PLCG2: variants seen among roughly 807,000 people sequenced by gnomAD.
The protein encoded by PLCG2 is phospholipase C gamma 2, also known as 1-phosphatidylinositol 4,5-bisphosphate phosphodiesterase gamma-2.
Under a neutral mutation model 175.6 loss-of-function variants are expected in PLCG2, and 69 were observed. The observed-to-expected ratio is 0.39, with a 90% CI of 0.32 to 0.48. PLCG2 has a LOEUF of 0.48. Among genes scored for constraint, PLCG2 ranks in the 20% least tolerant of loss-of-function variants. The pLI is 0.91. For missense variants in PLCG2, 1,798 were observed against 1,650.9 expected, an observed-to-expected ratio of 1.09 and a Z score of -1.54; for synonymous variants, 827 against 624.0, an observed-to-expected ratio of 1.33 and a Z score of -4.85.
At chr16:81,794,053 A>G (rs141495169) in intron 2 of PLCG2, among the ~76,000 whole-genome samples, 1 of 152,324 alleles carries the variant, frequency 6.6e-6, no homozygotes, top group Non-Finnish European at 1.5e-5. Flanking sequence ...ACAGAAACAC[A>G]TGAATTCCTT....
intron 25 of PLCG2, among the ~76,000 whole-genome samples, chr16:81,932,273 G>C (rs1255696226): frequency 6.6e-6 from 1 of 152,200 alleles, no homozygotes; most frequent in Admixed American, 6.5e-5. Flanking sequence ...TGGACCCTGG[G>C]CAAGTAACCA....
intron 2 of PLCG2, among the ~76,000 whole-genome samples, chr16:81,839,646 T>C (rs946621926): frequency 2.6e-5 from 4 of 152,186 alleles, no homozygotes; most frequent in African/African-American, 9.7e-5. Flanking sequence ...ATGTATTTTT[T>C]CAATATATTT....
Position 81,866,566 on chromosome 16 carries a change from G to A in PLCG2, c.480-2648G>A, listed in dbSNP as rs575342332. Among the ~76,000 whole-genome samples the A allele has an allele frequency of 1.7e-3, 114 of 66,752 alleles. 8 individuals carry two copies. Among genetic ancestry groups the A allele is most frequent in the African/African-American group, 4.8e-3 (107 of 22,344 alleles). The allele number at this position is 66,752 out of a possible 152,430, so 43.8% of individuals were successfully genotyped here. A position where few individuals can be genotyped will look rare whatever the true frequency, so the allele number is the denominator to read the frequency against. On this transcript the variant is annotated intron_variant, in intron 5 of 32. Transcript: ENST00000564138. Reference sequence around the variant, plus strand: ...CACTGGGGCACCAGCATGAGAGGACGTGGCCTCTCCCTTGCTCCCAAGATG... The same window carrying A: ...CACTGGGGCACCAGCATGAGAGGACATGGCCTCTCCCTTGCTCCCAAGATG...
At chr16:81,867,590 C>T (rs187918517) in intron 5 of PLCG2, among the ~76,000 whole-genome samples, 1 of 152,352 alleles carries the variant, frequency 6.6e-6, no homozygotes, top group East Asian at 1.9e-4. Context: ...CCACCTAGAA[C>T]AACACCTGTC....
chr16:81,901,078 G>C (rs1346615552), intron 14 of PLCG2, among the ~76,000 whole-genome samples: 1 of 152,256 alleles, frequency 6.6e-6, no homozygotes, highest in African/African-American at 2.4e-5. Context: ...CTGTCATGTG[G>C]TTGGTGCTAC....
intron 2 of PLCG2, among the ~76,000 whole-genome samples, chr16:81,844,747 G>C (rs1247161851): frequency 5.3e-5 from 8 of 152,216 alleles, no homozygotes; most frequent in African/African-American, 1.7e-4. Flanking sequence ...CAGATAGTGA[G>C]AATTTGCATA....
intron 1 of PLCG2, among the ~76,000 whole-genome samples, chr16:81,755,074 G>A (rs987474304): frequency 1.3e-5 from 2 of 152,148 alleles, no homozygotes; most frequent in Non-Finnish European, 1.5e-5. Context: ...TATTGTGGTA[G>A]GCATCAGATG....
At chr16:81,859,685 C>A (rs928038378) in intron 5 of PLCG2, among the ~76,000 whole-genome samples, 1 of 152,160 alleles carries the variant, frequency 6.6e-6, no homozygotes, top group Admixed American at 6.5e-5. Flanking sequence ...CAGGCACCCG[C>A]CACCATGCCC....
At chr16:81,828,233 T>C (rs1159751449) in intron 2 of PLCG2, among the ~76,000 whole-genome samples, 1 of 135,454 alleles carries the variant, frequency 7.4e-6, no homozygotes, top group Admixed American at 8.7e-5. Context: ...TTGAGAAATG[T>C]CATTTTTTTT....
At position 81,962,326 on chromosome 16, in the gene PLCG2, C is replaced by G. The variant is rs895812745; in HGVS notation, c.*4328C>G. The G allele has an allele frequency of 7.8e-5, 16 of 203,952 alleles. No homozygotes were observed. The highest frequency in any genetic ancestry group is 1.4e-4 in the Non-Finnish European group (14 of 99,670). The allele number at this position is 203,952 out of a possible 1,614,324, so 12.6% of individuals were successfully genotyped here. A position where few individuals can be genotyped will look rare whatever the true frequency, so the allele number is the denominator to read the frequency against. ...CCAACCGTAAAAGCTATCTTCTAACCAACAAAAAGTTAATAATTAGATTTG... is the reference window on the plus strand; with the variant it reads ...CCAACCGTAAAAGCTATCTTCTAACGAACAAAAAGTTAATAATTAGATTTG... On this transcript the variant is annotated 3_prime_UTR_variant, in exon 33 of 33. Transcript: ENST00000564138.
At chr16:81,825,146 T>G (rs761204373) in intron 2 of PLCG2, among the ~76,000 whole-genome samples, 29 of 152,332 alleles carry the variant, frequency 1.9e-4, no homozygotes, top group Non-Finnish European at 3.7e-4. Context: ...CCTGCATAAT[T>G]GCAAGATGGT....
rs779108574 is a variant in PLCG2 at position 81,786,118 on chromosome 16, C to G, written c.129C>G (p.Val43=). The G allele has an allele frequency of 6.2e-6, 10 of 1,614,078 alleles. No individual in the cohort carries two copies. In the South Asian group the frequency reaches 8.8e-5, roughly 14 times the overall value. Residue 43 remains valine (V), a synonymous_variant, in exon 2 of 33, where the codon GTC becomes GTG. Transcript: ENST00000564138. ...AGTCCACCCCCGAGCGGAGAACCGT[C>G]CAGGTGATCATGGAGACGCGGCAGG... is the stretch of plus-strand genomic sequence containing the variant. ...FRKSTPERRT[V]QVIMETRQVA...
At chr16:81,910,280 G>A (rs987365824) in intron 17 of PLCG2, among the ~76,000 whole-genome samples, 4 of 152,136 alleles carry the variant, frequency 2.6e-5, no homozygotes, top group South Asian at 4.1e-4. Flanking sequence ...TAGTAGAGAC[G>A]AGATTTCACT....
intron 12 of PLCG2, among the ~76,000 whole-genome samples, chr16:81,894,399 A>G (rs998788210): frequency 2.0e-5 from 3 of 152,226 alleles, no homozygotes; most frequent in Non-Finnish European, 2.9e-5. Flanking sequence ...ACTGCACTCT[A>G]GCCTGGGCAA....
At chr16:81,869,442 G>C (rs1190757731) in intron 6 of PLCG2, 144 bp downstream of exon 6, 1 of 655,512 alleles carries the variant, frequency 1.5e-6, no homozygotes, top group East Asian at 2.6e-5. Context: ...TTCAGACAGA[G>C]GGATCATGGA....
At chr16:81,805,920 G>T (rs1597329025) in intron 2 of PLCG2, among the ~76,000 whole-genome samples, 1 of 151,692 alleles carries the variant, frequency 6.6e-6, no homozygotes, top group Admixed American at 6.6e-5. Context: ...GATTACAGGT[G>T]TGAGCCACTG....
chr16:81,902,963 C>G (rs1205711989), intron 14 of PLCG2, among the ~76,000 whole-genome samples: 1 of 152,160 alleles, frequency 6.6e-6, no homozygotes, highest in Non-Finnish European at 1.5e-5. Flanking sequence ...AGGCCCGCCC[C>G]CATGATTCAA....
chr16:81,951,462 T>C, intron 31 of PLCG2, among the ~76,000 whole-genome samples: 1 of 152,020 alleles, frequency 6.6e-6, no homozygotes, highest in Non-Finnish European at 1.5e-5. Flanking sequence ...ATAAAACAGG[T>C]TTAGGATCTA....
At chr16:81,765,678 G>T (rs1910134694) in intron 2 of PLCG2, among the ~76,000 whole-genome samples, 1 of 51,476 alleles carries the variant, frequency 1.9e-5, no homozygotes, top group South Asian at 6.2e-4. Flanking sequence ...TTGACCCCGG[G>T]GTCTCAGACT....
Sources: allele counts gnomAD v4.1 joint callset (sites outside exome capture counted in the v4.1 genomes callset), GRCh38; gene constraint gnomAD v4.1.1; transcripts MANE v1.5; gene names NCBI Gene and HGNC (gene_info 2026-07-23, HGNC 2026-07-21).